The following MICU1 variants were observed in gnomAD, a reference collection of about 807,000 sequenced individuals.
The protein encoded by MICU1 is mitochondrial calcium uptake 1.
In MICU1, 45 loss-of-function variants were observed where a neutral mutation model predicts 56.8. The observed-to-expected ratio is 0.79, with a 90% CI of 0.62 to 1.02. The LOEUF (loss-of-function observed/expected upper bound fraction) is 1.02. Among genes scored for constraint, MICU1 ranks in the 50% least tolerant of loss-of-function variants. MICU1 has a pLI of 0.00. For synonymous variants in MICU1, 186 were observed against 195.1 expected, an observed-to-expected ratio of 0.95 and a Z score of 0.39; for missense variants, 504 against 587.1, an observed-to-expected ratio of 0.86 and a Z score of 1.46.
At chr10:72,424,966 T>C (rs1050380250) in intron 8 of MICU1, among the ~76,000 whole-genome samples, 1 of 152,230 alleles carries the variant, frequency 6.6e-6, no homozygotes, top group Non-Finnish European at 1.5e-5. Context: ...TGTCACACCA[T>C]CTTTCTATAG....
chr10:72,489,324 A>ACAC (rs1491389638), intron 6 of MICU1, among the ~76,000 whole-genome samples: 5 of 136,138 alleles, frequency 3.7e-5, no homozygotes, highest in African/African-American at 1.7e-4. Context: ...ACACACACAC[A>ACAC]AAAATAAAAA....
At chr10:72,579,998 C>G (rs922861396) in intron 1 of MICU1, among the ~76,000 whole-genome samples, 1 of 151,606 alleles carries the variant, frequency 6.6e-6, no homozygotes, top group Non-Finnish European at 1.5e-5. Flanking sequence ...GATAATCAAC[C>G]TGTGTCATCA....
intron 2 of MICU1, among the ~76,000 whole-genome samples, chr10:72,565,792 C>T (rs927142125): frequency 4.0e-5 from 6 of 151,794 alleles, no homozygotes; most frequent in African/African-American, 9.7e-5. Flanking sequence ...CCAGCCTGGG[C>T]GACAGAGCAA....
intron 5 of MICU1, among the ~76,000 whole-genome samples, chr10:72,521,872 C>CA (rs140083428): frequency 0.59 from 89,230 of 151,364 alleles, 27,504 homozygotes; most frequent in Non-Finnish European, 0.67. Flanking sequence ...TACAGGTGCA[C>CA]TTTTTTTTTA....
chr10:72,547,201 T>C (rs1424033494), intron 4 of MICU1, among the ~76,000 whole-genome samples: 1 of 151,802 alleles, frequency 6.6e-6, no homozygotes, highest in African/African-American at 2.4e-5. Context: ...CCTCTGCTAA[T>C]TTTTTTACTT....
chr10:72,579,197 G>C (rs1287913411), intron 1 of MICU1, among the ~76,000 whole-genome samples: 1 of 152,090 alleles, frequency 6.6e-6, no homozygotes, highest in African/African-American at 2.4e-5. Flanking sequence ...TCTGGCTGCT[G>C]TGACAATACA....
At chr10:72,576,842 C>T (rs551192718) in intron 1 of MICU1, among the ~76,000 whole-genome samples, 10 of 152,136 alleles carry the variant, frequency 6.6e-5, no homozygotes, top group Non-Finnish European at 1.2e-4. Flanking sequence ...TTGAAGGCAA[C>T]GCTCATTCAT....
chr10:72,470,707 TC>T (rs1032506748), intron 8 of MICU1, among the ~76,000 whole-genome samples: 1 of 147,332 alleles, frequency 6.8e-6, no homozygotes, highest in Admixed American at 6.6e-5. Flanking sequence ...TGAACTTTGA[TC>T]GGGGGGGGTG....
intron 4 of MICU1, among the ~76,000 whole-genome samples, chr10:72,539,031 T>G (rs755669264): frequency 6.6e-6 from 1 of 152,046 alleles, no homozygotes; most frequent in East Asian, 1.9e-4. Context: ...GTCAATTCAT[T>G]AAGAAGATAT....
chr10:72,532,278 A>C (rs1386316744), intron 5 of MICU1, among the ~76,000 whole-genome samples: 1 of 151,716 alleles, frequency 6.6e-6, no homozygotes, highest in Non-Finnish European at 1.5e-5. Context: ...AGATTGCTCC[A>C]CTGCACTCCA....
chr10:72,396,548 A>T (rs1863268582), intron 10 of MICU1, among the ~76,000 whole-genome samples: 1 of 152,176 alleles, frequency 6.6e-6, no homozygotes, highest in East Asian at 1.9e-4. Flanking sequence ...AAAAGATTAG[A>T]CGAATGGCTA....
intron 4 of MICU1, among the ~76,000 whole-genome samples, chr10:72,550,216 T>G (rs1371435222): frequency 6.6e-6 from 1 of 152,238 alleles, no homozygotes; most frequent in African/African-American, 2.4e-5. Flanking sequence ...ATATTTTTAC[T>G]ATATCTTTTC....
At chr10:72,371,898 G>T (rs1862356184) in intron 11 of MICU1, among the ~76,000 whole-genome samples, 1 of 151,626 alleles carries the variant, frequency 6.6e-6, no homozygotes, top group Non-Finnish European at 1.5e-5. Context: ...TCTACAAAAA[G>T]TTAAAAAATA....
chr10:72,555,753 TG>T (rs1840143025), intron 3 of MICU1, among the ~76,000 whole-genome samples: 1 of 152,204 alleles, frequency 6.6e-6, no homozygotes, highest in Non-Finnish European at 1.5e-5. Flanking sequence ...TCTACTTGCA[TG>T]GTAGTCCATA....
chr10:72,561,601 C>T (rs1840297237), intron 3 of MICU1, among the ~76,000 whole-genome samples: 1 of 152,202 alleles, frequency 6.6e-6, no homozygotes, highest in Admixed American at 6.5e-5. Context: ...CACCTGAAGT[C>T]AGGAGTTCGA....
chr10:72,538,546 T>C (rs769515358), intron 4 of MICU1, among the ~76,000 whole-genome samples: 24 of 152,146 alleles, frequency 1.6e-4, no homozygotes, highest in Non-Finnish European at 1.5e-4. Context: ...TTATGTTTTT[T>C]GTAAGCCTCA....
chr10:72,488,596 G>A (rs538713579), intron 6 of MICU1, among the ~76,000 whole-genome samples: 26 of 152,110 alleles, frequency 1.7e-4, no homozygotes, highest in African/African-American at 6.0e-4. Context: ...ATTGCTACTA[G>A]CAATAACAGG....
chr10:72,424,488 T>A (rs1192611578), intron 8 of MICU1, among the ~76,000 whole-genome samples: 1 of 152,124 alleles, frequency 6.6e-6, no homozygotes, highest in African/African-American at 2.4e-5. Flanking sequence ...AATTACTTTT[T>A]TTTTTGTAAA....
chr10:72,485,132 G>C (rs945281364), intron 6 of MICU1, among the ~76,000 whole-genome samples: 4 of 151,876 alleles, frequency 2.6e-5, no homozygotes, highest in African/African-American at 7.3e-5. Context: ...CCAAAATAAA[G>C]AAATAAAGAC....
Sources: allele counts gnomAD v4.1 joint callset (sites outside exome capture counted in the v4.1 genomes callset), GRCh38; gene constraint gnomAD v4.1.1; transcripts MANE v1.5; gene names NCBI Gene and HGNC (gene_info 2026-07-23, HGNC 2026-07-21).